RGSL1: variants seen among roughly 807,000 people sequenced by gnomAD.
The protein encoded by RGSL1 is regulator of G protein signaling protein-like.
In RGSL1, 97 loss-of-function variants were observed where a neutral mutation model predicts 124.7. The observed-to-expected ratio is 0.78, with a 90% CI of 0.66 to 0.92. The LOEUF (loss-of-function observed/expected upper bound fraction) is 0.92, where lower values mean the gene tolerates loss of function less well. Among genes scored for constraint, RGSL1 ranks in the 40% least tolerant of loss-of-function variants. RGSL1 has a pLI of 0.00. For missense variants in RGSL1, 1,233 were observed against 1,288.4 expected (o/e 0.96, Z 0.66); for synonymous variants, 424 against 438.1 (o/e 0.97, Z 0.40).
At chr1:182,479,820 A>G (rs1282009160) in intron 6 of RGSL1, among the ~76,000 whole-genome samples, 1 of 152,218 alleles carries the variant, frequency 6.6e-6, no homozygotes, top group Non-Finnish European at 1.5e-5. Context: ...TAACCCAAAA[A>G]AGCATATTTG....
chr1:182,459,509 G>A (rs1269507331), intron 3 of RGSL1, among the ~76,000 whole-genome samples: 1 of 152,168 alleles, frequency 6.6e-6, no homozygotes, highest in Non-Finnish European at 1.5e-5. Flanking sequence ...TCCTTTCTCT[G>A]TGGCTTGATC....
intron 9 of RGSL1, among the ~76,000 whole-genome samples, chr1:182,506,355 T>C (rs1656804712): frequency 6.6e-6 from 1 of 152,208 alleles, no homozygotes; most frequent in South Asian, 2.1e-4. Flanking sequence ...TGCTATCAGT[T>C]AAAAGAGACA....
At chr1:182,523,844 A>G (rs1658536686) in intron 10 of RGSL1, among the ~76,000 whole-genome samples, 1 of 152,260 alleles carries the variant, frequency 6.6e-6, no homozygotes, top group Admixed American at 6.5e-5. Flanking sequence ...TTAAAATGTT[A>G]TGATAACATA....
upstream of RGSL1, chr1:182,450,104 T>C: frequency 1.3e-6 from 2 of 1,545,826 alleles, no homozygotes; most frequent in African/African-American, 1.4e-5. Context: ...TGGATATAGT[T>C]CTATTGACTG....
chr1:182,481,637 G>A (rs1274836840), intron 6 of RGSL1, among the ~76,000 whole-genome samples: 2 of 152,122 alleles, frequency 1.3e-5, no homozygotes, highest in Admixed American at 1.3e-4. Context: ...AAGAAGAAAA[G>A]TAAACCACGG....
At chr1:182,539,268 T>C (rs1342006584) in intron 14 of RGSL1, among the ~76,000 whole-genome samples, 2 of 149,812 alleles carry the variant, frequency 1.3e-5, no homozygotes, top group South Asian at 2.1e-4. Flanking sequence ...TCCACTGTTA[T>C]CTAGACTTTT....
chr1:182,537,976 AGAGAGTCCACT>A (rs1195337890), intron 14 of RGSL1, among the ~76,000 whole-genome samples: 1 of 152,068 alleles, frequency 6.6e-6, no homozygotes, highest in Non-Finnish European at 1.5e-5. Context: ...TCCTTAATTC[AGAGAGTCCACT>A]GAACTTGACC....
chr1:182,541,501 A>G (rs1179177749), intron 15 of RGSL1, among the ~76,000 whole-genome samples: 1 of 152,214 alleles, frequency 6.6e-6, no homozygotes, highest in Admixed American at 6.5e-5. Context: ...GGTTGATTCC[A>G]TATTCCAGCT....
chr1:182,536,304 T>C (rs1374340445), intron 14 of RGSL1, among the ~76,000 whole-genome samples: 1 of 152,160 alleles, frequency 6.6e-6, no homozygotes, highest in Non-Finnish European at 1.5e-5. Flanking sequence ...TTCTTTTGGG[T>C]AAATATCTGA....
intron 9 of RGSL1, among the ~76,000 whole-genome samples, chr1:182,495,543 A>T (rs189154533): frequency 8.5e-5 from 13 of 152,086 alleles, no homozygotes; most frequent in Non-Finnish European, 1.9e-4. Flanking sequence ...ATGAGTATGT[A>T]TATATTCTTA....
chr1:182,530,755 T>C (rs1440740076), intron 12 of RGSL1, 35 bp from the exon 13 acceptor site: 2 of 1,493,670 alleles, frequency 1.3e-6, no homozygotes, highest in Admixed American at 5.3e-5. Context: ...GCCAGGTTTT[T>C]GCCCTGTTTG....
intron 9 of RGSL1, among the ~76,000 whole-genome samples, chr1:182,511,729 G>A (rs1413511760): frequency 6.6e-6 from 1 of 152,022 alleles, no homozygotes; most frequent in African/African-American, 2.4e-5. Flanking sequence ...GGCTATTTGG[G>A]GGTCTTTTGT....
At chr1:182,471,484 T>C (rs1047153506) in intron 4 of RGSL1, 4 of 392,200 alleles carry the variant, frequency 1.0e-5, no homozygotes, top group African/African-American at 8.4e-5. Flanking sequence ...CTGTGTTGAA[T>C]ATAAACATGT....
At chr1:182,522,769 G>A (rs907168844) in intron 10 of RGSL1, among the ~76,000 whole-genome samples, 1 of 152,100 alleles carries the variant, frequency 6.6e-6, no homozygotes, top group African/African-American at 2.4e-5. Flanking sequence ...GCATTTATAT[G>A]TACTACTTTT....
At chr1:182,456,558 A>T (rs1440289147) in intron 2 of RGSL1, among the ~76,000 whole-genome samples, 2 of 152,134 alleles carry the variant, frequency 1.3e-5, no homozygotes, top group Admixed American at 1.3e-4. Context: ...TCGGCCTCCC[A>T]AAGTGCTGGG....
intron 11 of RGSL1, 41 bp from the exon 12 acceptor site, chr1:182,530,203 A>AGATGAG: frequency 7.0e-7 from 1 of 1,419,380 alleles, no homozygotes; most frequent in Non-Finnish European, 9.6e-7. Context: ...CAGAAATGGT[A>AGATGAG]GATGAGGATT....
rs543209142 is a variant in RGSL1 at position 182,455,443 on chromosome 1, G to A, written c.96+1403G>A. On this transcript the variant is annotated intron_variant, in intron 2 of 21. Coordinates refer to ENST00000294854, the MANE Select transcript of RGSL1 (RefSeq NM_001137669.2). ...CTAAAAATACAAAAATTAGCCGGGCGTGGTGGCGGGAGCCTGTAGTGCCAG... is the reference window on the plus strand; with the variant it reads ...CTAAAAATACAAAAATTAGCCGGGCATGGTGGCGGGAGCCTGTAGTGCCAG... Among the ~76,000 whole-genome samples the A allele has an allele frequency of 1.7e-3, 263 of 152,170 alleles. 1 individual carries two copies. The highest frequency in any genetic ancestry group is 4.6e-3 in the Admixed American group (70 of 15,288).
intron 13 of RGSL1, among the ~76,000 whole-genome samples, chr1:182,532,200 G>A (rs1025381572): frequency 2.6e-5 from 4 of 152,172 alleles, no homozygotes; most frequent in South Asian, 2.1e-4. Context: ...GTGTGTGTGT[G>A]TGTAGGTGTA....
chr1:182,514,203 T>G (rs1456922221), intron 9 of RGSL1, among the ~76,000 whole-genome samples: 2 of 152,158 alleles, frequency 1.3e-5, no homozygotes, highest in African/African-American at 4.8e-5. Context: ...TGCAGTGAGA[T>G]TTTCATTAAA....
Sources: gnomAD v4.1 joint callset for allele counts (sites outside exome capture counted in the v4.1 genomes callset) on GRCh38, gnomAD v4.1.1 for gene constraint, MANE v1.5 for transcripts, NCBI Gene and HGNC (gene_info 2026-07-23, HGNC 2026-07-21) for gene names.